The following PCDHGA3 variants were observed in gnomAD, a reference collection of about 807,000 sequenced individuals.
PCDHGA3 encodes the protein protocadherin gamma-A3.
Under a neutral mutation model 58.5 loss-of-function variants are expected in PCDHGA3, and 40 were observed. The observed-to-expected ratio is 0.68, with a 90% CI of 0.53 to 0.89. The LOEUF is 0.89. Ranked by LOEUF, PCDHGA3 falls within the 40% of genes least tolerant of loss-of-function variation. PCDHGA3 has a pLI of 0.00. For missense variants in PCDHGA3, 1,223 were observed against 1,195.9 expected (o/e 1.02, Z -0.33); for synonymous variants, 530 against 525.7 (o/e 1.01, Z -0.11).
intron 1 of PCDHGA3, among the ~76,000 whole-genome samples, chr5:141,362,811 T>G (rs920763792): frequency 6.6e-6 from 1 of 152,256 alleles, no homozygotes; most frequent in African/African-American, 2.4e-5. Context: ...ACATTACTTC[T>G]CTCTGCAGAT....
chr5:141,444,151 G>T (rs1031944414), intron 1 of PCDHGA3, among the ~76,000 whole-genome samples: 1 of 92,746 alleles, frequency 1.1e-5, no homozygotes, highest in Non-Finnish European at 2.1e-5. Flanking sequence ...GTGTGTACTG[G>T]ATTTTTTTTT....
In PCDHGA3 at chr5:141,476,401, G is replaced by A. The variant is rs772438777; in HGVS notation, c.2425-18406G>A. The A allele has an allele frequency of 1.9e-6, 3 of 1,614,054 alleles. No individual in the cohort carries two copies. Among genetic ancestry groups the A allele is most frequent in the African/African-American group, 2.7e-5 (2 of 74,926 alleles). On this transcript the variant is annotated intron_variant, in intron 1 of 3. Coordinates refer to ENST00000253812, the MANE Select transcript of PCDHGA3 (RefSeq NM_018916.4). This position sits in a 1 kb window ranked among gnomAD's most constrained non-coding sequence, Gnocchi z 7.6. ...TTGTGAACGACCGTCTGGATCGAGA[G>A]GAGCTGTGTGGGACACTGCCCTCTT...
At chr5:141,437,497 T>A (rs2097889891) in intron 1 of PCDHGA3, among the ~76,000 whole-genome samples, 1 of 152,190 alleles carries the variant, frequency 6.6e-6, no homozygotes, top group Non-Finnish European at 1.5e-5. Flanking sequence ...TAGATCACTT[T>A]TCAATGAATT....
Position 141,380,667 on chromosome 5 carries a change from T to C in PCDHGA3, c.2424+34210T>C, listed in dbSNP as rs552117625. On this transcript the variant is annotated intron_variant, in intron 1 of 3. Coordinates refer to ENST00000253812, the MANE Select transcript of PCDHGA3 (RefSeq NM_018916.4). Reference sequence around the variant, plus strand: ...AGAGACAATGAAGCCATTTACTCCATAGGGTATGTATGCTTTGTGTTCGGA... The same window carrying C: ...AGAGACAATGAAGCCATTTACTCCACAGGGTATGTATGCTTTGTGTTCGGA... Among the ~76,000 whole-genome samples the C allele has an allele frequency of 2.6e-5, 4 of 152,244 alleles. No homozygotes were observed. The East Asian group carries it at 5.8e-4, about 22-fold the overall frequency.
At chr5:141,389,439 G>C (rs201120335) in intron 1 of PCDHGA3, 1 of 1,610,580 alleles carries the variant, frequency 6.2e-7, no homozygotes, top group Non-Finnish European at 8.5e-7. Flanking sequence ...GCGCGCCTTC[G>C]ACCACGAGCA....
At chr5:141,438,418 G>C (rs2097959406) in intron 1 of PCDHGA3, among the ~76,000 whole-genome samples, 1 of 151,534 alleles carries the variant, frequency 6.6e-6, no homozygotes, top group Admixed American at 6.6e-5. Flanking sequence ...ATTTCACACA[G>C]TAGTTTGTAC....
At chr5:141,430,767 C>T in intron 1 of PCDHGA3, 1 of 1,506,782 alleles carries the variant, frequency 6.6e-7, no homozygotes, top group Non-Finnish European at 8.9e-7. Flanking sequence ...AGAATGATTC[C>T]TGCGCGACTG....
At chr5:141,389,313 C>A (rs1279349887) in intron 1 of PCDHGA3, 2 of 1,614,024 alleles carry the variant, frequency 1.2e-6, no homozygotes, top group Admixed American at 3.3e-5. Context: ...GGCTTCTGAT[C>A]CGGACTTGGG....
At chr5:141,384,434 G>A in intron 1 of PCDHGA3, 1 of 1,614,024 alleles carries the variant, frequency 6.2e-7, no homozygotes, top group Non-Finnish European at 8.5e-7. Flanking sequence ...TCTGACACTG[G>A]AGTCCTGTAC....
Position 141,489,358 on chromosome 5 carries a change from G to C in PCDHGA3, c.2425-5449G>C. 1 of 1,613,144 alleles carries C rather than the reference G, an allele frequency of 6.2e-7. No homozygotes were observed. The highest frequency in any genetic ancestry group is 1.7e-4 in the Middle Eastern group (1 of 6,052). On this transcript the variant is annotated intron_variant, in intron 1 of 3. Coordinates refer to ENST00000253812, the MANE Select transcript of PCDHGA3 (RefSeq NM_018916.4). The surrounding 1 kb of genome is among the most constrained non-coding windows in gnomAD (Gnocchi z 4.5). ...TCGTTACTCAGTGGTGGAGGAGTCT[G>C]AGCCGGGGACGCTGGTGGGGAATGT...
intron 1 of PCDHGA3, chr5:141,409,468 C>A: frequency 2.5e-6 from 4 of 1,613,948 alleles, no homozygotes; most frequent in Non-Finnish European, 3.4e-6. Context: ...ATGTCACCAT[C>A]GTAGCCACTG....
At chr5:141,406,116 AG>A (rs982166274) in intron 1 of PCDHGA3, among the ~76,000 whole-genome samples, 4 of 147,788 alleles carry the variant, frequency 2.7e-5, no homozygotes, top group African/African-American at 1.0e-4. Context: ...TCTGTTGTCC[AG>A]GGTGGAATGC....
At chr5:141,374,761 C>T in intron 1 of PCDHGA3, 1 of 1,613,458 alleles carries the variant, frequency 6.2e-7, no homozygotes, top group African/African-American at 1.3e-5. Context: ...CAAGCGTCGC[C>T]CAAATTCTGG....
chr5:141,414,647 T>C (rs1369045439), intron 1 of PCDHGA3: 3 of 1,613,926 alleles, frequency 1.9e-6, no homozygotes, highest in South Asian at 2.2e-5. Flanking sequence ...AATGCCCAGA[T>C]TATTTACTCC....
At chr5:141,426,538 C>T (rs1038881219) in intron 1 of PCDHGA3, 2 of 346,308 alleles carry the variant, frequency 5.8e-6, no homozygotes, top group Non-Finnish European at 1.2e-5. Context: ...TGGGAACATA[C>T]TTGTGAGTGA....
At chr5:141,351,182 A>T (rs1240002375) in intron 1 of PCDHGA3, 2 of 1,613,948 alleles carry the variant, frequency 1.2e-6, no homozygotes, top group Non-Finnish European at 1.7e-6. Context: ...TTTTGAAGAG[A>T]CAAGTAGATA....
intron 1 of PCDHGA3, chr5:141,359,980 T>G: frequency 1.2e-6 from 1 of 851,316 alleles, no homozygotes; most frequent in Non-Finnish European, 1.7e-6. Flanking sequence ...GGGAGCCTCT[T>G]AGAGGGGAAC....
In PCDHGA3 at chr5:141,345,893, T is replaced by C. The variant is rs1052013782; in HGVS notation, c.1860T>C (p.Gly620=). 4.3e-6 allele frequency: 7 copies of C among 1,611,956 alleles called. No homozygotes were observed. In the African/African-American group the frequency reaches 9.4e-5, roughly 22 times the overall value. ...KASEPGLFSV[G]LHTGEVRTAR... ...GCGAGCCGGGACTCTTCTCGGTGGGTCTGCACACGGGCGAGGTGCGCACGG... is the reference window on the plus strand; with the variant it reads ...GCGAGCCGGGACTCTTCTCGGTGGGCCTGCACACGGGCGAGGTGCGCACGG... Residue 620 remains glycine, a synonymous_variant, in exon 1 of 4, where the codon GGT becomes GGC. Transcript: ENST00000253812.
At chr5:141,352,091 G>T in intron 1 of PCDHGA3, 2 of 1,605,050 alleles carry the variant, frequency 1.2e-6, no homozygotes, top group Non-Finnish European at 8.5e-7. Flanking sequence ...CAGCGAGCCC[G>T]GGCTCTTCAG....
Sources: allele counts gnomAD v4.1 joint callset (sites outside exome capture counted in the v4.1 genomes callset), GRCh38; gene constraint gnomAD v4.1.1; non-coding constraint Gnocchi (gnomAD v3.1); transcripts MANE v1.5; gene names NCBI Gene and HGNC (gene_info 2026-07-23, HGNC 2026-07-21).